MYO19: variants seen among roughly 807,000 people sequenced by gnomAD.
The protein encoded by MYO19 is unconventional myosin-XIX.
In MYO19, 132 loss-of-function variants were observed where a neutral mutation model predicts 129.2. The observed-to-expected ratio is 1.02, with a 90% CI of 0.89 to 1.18. MYO19 has a LOEUF of 1.18. MYO19 is among the 50% of genes most tolerant of loss of function. The pLI is 0.00. For missense variants in MYO19, 1,210 were observed against 1,216.7 expected (o/e 0.99, Z 0.08); for synonymous variants, 531 against 477.2 (o/e 1.11, Z -1.47).
intron 3 of MYO19, among the ~76,000 whole-genome samples, chr17:36,528,791 G>A (rs115700380): frequency 0.01 from 1,570 of 152,256 alleles, 18 homozygotes; most frequent in African/African-American, 0.036. Context: ...GTCAGTGCCC[G>A]GCATACAGCA....
chr17:36,511,540 C>T (rs772606443), intron 11 of MYO19, 85 bp from the exon 12 acceptor site: 2 of 1,211,824 alleles, frequency 1.7e-6, no homozygotes, highest in Non-Finnish European at 2.4e-6. Flanking sequence ...TGAGTACAAT[C>T]ACGACAGCAG....
intron 12 of MYO19, 170 bp downstream of exon 12, chr17:36,511,195 T>G: frequency 1.4e-6 from 1 of 716,874 alleles, no homozygotes; most frequent in Non-Finnish European, 2.3e-6. Context: ...CGATACTGTC[T>G]GCCTCACCAG....
chr17:36,537,590 G>C (rs2074159894), upstream of MYO19: 5 of 1,614,108 alleles, frequency 3.1e-6, no homozygotes, highest in Non-Finnish European at 4.2e-6. Flanking sequence ...AGCTCTATGG[G>C]ACAGGAGCAA....
intron 6 of MYO19, among the ~76,000 whole-genome samples, chr17:36,522,961 G>A (rs2073231908): frequency 6.6e-6 from 1 of 150,572 alleles, no homozygotes; most frequent in Non-Finnish European, 1.5e-5. Context: ...AGCCAAGATT[G>A]TGCCACTGCA....
intron 3 of MYO19, among the ~76,000 whole-genome samples, chr17:36,530,033 A>G (rs2073732841): frequency 6.6e-6 from 1 of 152,212 alleles, no homozygotes; most frequent in Non-Finnish European, 1.5e-5. Flanking sequence ...TGGCCAACAG[A>G]GCAAGACCTT....
chr17:36,507,280 G>T, intron 16 of MYO19, 119 bp downstream of exon 16: 1 of 1,408,072 alleles, frequency 7.1e-7, no homozygotes, highest in Non-Finnish European at 9.8e-7. Flanking sequence ...ATAGCAATTA[G>T]CAGATCTATT....
upstream of MYO19, chr17:36,538,522 T>C (rs886520278): frequency 2.5e-6 from 4 of 1,613,760 alleles, no homozygotes; most frequent in Non-Finnish European, 3.4e-6. Flanking sequence ...AGCAGTACCT[T>C]GTGGGCCTTA....
At chr17:36,507,251 T>C (rs1051588287) in intron 16 of MYO19, 112 bp from the exon 17 acceptor site, 11 of 1,477,246 alleles carry the variant, frequency 7.4e-6, no homozygotes, top group Non-Finnish European at 9.2e-6. Flanking sequence ...GGCATCATAG[T>C]GTCCCCAACA....
Position 36,525,378 on chromosome 17 carries a change from T to C in MYO19, c.301-37A>G, listed in dbSNP as rs117764592. The stretch of plus-strand genomic sequence containing the variant: ...AGGAGTGAAAGGTCATGTGAGGGAA[T>C]GCCTGTTTTTCAATGATGACTGAGC... On this transcript the variant is annotated intron_variant, in intron 5 of 25. Coordinates refer to ENST00000614623, the MANE Select transcript of MYO19 (RefSeq NM_001163735.2). 13,223 of 1,439,290 alleles carry C rather than the reference T, an allele frequency of 9.2e-3. 108 individuals are homozygous for C. The highest frequency in any genetic ancestry group is 0.011 in the Non-Finnish European group (10,807 of 1,023,720). 89.2% of individuals were successfully genotyped at this position (1,439,290 alleles called of 1,614,324 possible). A position where few individuals can be genotyped will look rare whatever the true frequency, so the allele number is the denominator to read the frequency against.
At position 36,519,454 on chromosome 17, in the gene MYO19, T is replaced by C. The variant is rs142207941; in HGVS notation, c.415-3464A>G. 6.5e-3 allele frequency among the ~76,000 whole-genome samples: 992 copies of C among 152,288 alleles called. 5 individuals are homozygous for C. Among genetic ancestry groups the C allele is most frequent in the Non-Finnish European group, 0.011 (746 of 68,012 alleles). On this transcript the variant is annotated intron_variant, in intron 6 of 25. Coordinates refer to ENST00000614623, the MANE Select transcript of MYO19 (RefSeq NM_001163735.2). ...AACTTATCCACGAGTAGACCACTTA[T>C]ATTTATCGTAATTGTCACTATGCCT...
rs768830269 is a variant in MYO19, at chr17:36,498,369, A to G, written c.2654T>C (p.Val885Ala). ...GGGGAGCTGGAGGCAAGCCCAGACC[A>G]CTAATTTCCTCTGAAAGCTGCCTAC... is the stretch of plus-strand genomic sequence containing the variant. ...MGVGSFQRKL[V>A]VWACLQLPRG... Residue 885 changes from valine to alanine, a missense_variant, in exon 25 of 26, where the codon GTG (valine) becomes GCG (alanine). Transcript: ENST00000614623. 6.2e-7 allele frequency: 1 copy of G among 1,614,012 alleles called. No homozygotes were observed. Among genetic ancestry groups the G allele is most frequent in the South Asian group, 1.1e-5 (1 of 91,080 alleles).
chr17:36,525,789 T>C (rs759044332), intron 5 of MYO19, among the ~76,000 whole-genome samples: 5 of 152,204 alleles, frequency 3.3e-5, no homozygotes, highest in Admixed American at 2.0e-4. Context: ...AGTATATCCA[T>C]GTGATTTAAA....
upstream of MYO19, chr17:36,538,387 C>T (rs751994004): frequency 8.7e-6 from 14 of 1,613,986 alleles, no homozygotes; most frequent in Admixed American, 1.7e-5. Flanking sequence ...TCTCTAGTCC[C>T]TGAAGCCGAA....
intron 6 of MYO19, among the ~76,000 whole-genome samples, chr17:36,522,607 T>C (rs1003628619): frequency 5.3e-5 from 8 of 150,616 alleles, no homozygotes; most frequent in African/African-American, 1.7e-4. Flanking sequence ...TGGTGGCTCA[T>C]GCCTGTAAAC....
chr17:36,508,998 C>G, intron 14 of MYO19, 64 bp downstream of exon 14: 2 of 1,445,240 alleles, frequency 1.4e-6, no homozygotes, highest in Admixed American at 3.7e-5. Flanking sequence ...GGGCTCCTGC[C>G]TCTCCATCCA....
intron 11 of MYO19, chr17:36,512,852 G>A: frequency 1.7e-6 from 2 of 1,211,728 alleles, no homozygotes; most frequent in Middle Eastern, 2.8e-4. Context: ...CCCCTAGTGT[G>A]ACTGAGAGGA....
At chr17:36,513,145 C>G in intron 11 of MYO19, 1 of 1,394,202 alleles carries the variant, frequency 7.2e-7, no homozygotes, top group South Asian at 1.7e-5. Flanking sequence ...CACTAGTTCT[C>G]TCTTCTGATC....
At chr17:36,499,225 C>T (rs2005488) in intron 23 of MYO19, 65 bp from the exon 24 acceptor site, 133 of 1,193,008 alleles carry the variant, frequency 1.1e-4, no homozygotes, top group Non-Finnish European at 1.5e-4. Context: ...TCAGTGACCT[C>T]GCTGCAGCAG....
chr17:36,506,498 G>A lies in MYO19; in HGVS notation c.1755C>T (p.Gly585=), dbSNP rs2071895782. 3 of 1,611,816 alleles carry A rather than the reference G, an allele frequency of 1.9e-6. No homozygotes were observed. Among genetic ancestry groups the A allele is most frequent in the Non-Finnish European group, 2.5e-6 (3 of 1,179,212 alleles). ...PKEKTQEEPP[G]QSRAPVLTVV... ...CGGTCAACACAGGGGCCCTGCTCTG[G>A]CCAGGGGGTTCCTCCTGGGTCTTCT... The change falls in exon 18 of 26, where the codon GGC becomes GGT. Residue 585 remains glycine, a synonymous_variant. Coordinates refer to ENST00000614623, the MANE Select transcript of MYO19 (RefSeq NM_001163735.2).
Sources: gnomAD v4.1 joint callset for allele counts (sites outside exome capture counted in the v4.1 genomes callset) on GRCh38, gnomAD v4.1.1 for gene constraint, MANE v1.5 for transcripts, NCBI Gene and HGNC (gene_info 2026-07-23, HGNC 2026-07-21) for gene names.